TWIST2: variants seen among roughly 807,000 people sequenced by gnomAD.
TWIST2 encodes twist-related protein 2.
TWIST2 carries 1 observed loss-of-function variant against 11.6 expected under a neutral mutation model. That is an observed-to-expected ratio of 0.09 (90% CI 0.03 to 0.41). The LOEUF (loss-of-function observed/expected upper bound fraction) is 0.41. TWIST2 is among the 10% of genes least tolerant of loss of function. The pLI, the probability that TWIST2 is intolerant of heterozygous loss-of-function variation, is 0.98. For missense variants in TWIST2, 168 were observed against 226.4 expected (o/e 0.74, Z 1.66); for synonymous variants, 87 against 96.6 (o/e 0.90, Z 0.58).
chr2:238,848,781 G>A, intron 1 of TWIST2, 48 bp downstream of exon 1: 3 of 1,309,770 alleles, frequency 2.3e-6, no homozygotes, highest in Non-Finnish European at 2.9e-6. Context: ...GGGGGCGGGC[G>A]GCAGGGGCGC....
At chr2:238,856,897 A>G (rs550731429) in intron 1 of TWIST2, among the ~76,000 whole-genome samples, 1 of 152,204 alleles carries the variant, frequency 6.6e-6, no homozygotes, top group Non-Finnish European at 1.5e-5. Context: ...TCACTTGAAG[A>G]GGACCTCAGG....
chr2:238,905,202 C>G (rs968450953), intron 1 of TWIST2, among the ~76,000 whole-genome samples: 2 of 151,268 alleles, frequency 1.3e-5, no homozygotes, highest in Non-Finnish European at 3.0e-5. Flanking sequence ...GGGGCCTCAC[C>G]TGCTCATTAG....
intron 1 of TWIST2, among the ~76,000 whole-genome samples, chr2:238,881,532 T>A (rs997898924): frequency 1.3e-5 from 2 of 152,060 alleles, no homozygotes; most frequent in Non-Finnish European, 2.9e-5. Flanking sequence ...AGTATTAGTG[T>A]TGGTGTTAGT....
intron 1 of TWIST2, among the ~76,000 whole-genome samples, chr2:238,865,886 AC>A (rs1207133526): frequency 2.7e-5 from 4 of 150,916 alleles, no homozygotes; most frequent in African/African-American, 9.7e-5. Flanking sequence ...GCTGTGATGA[AC>A]CCTTTCCAGT....
At chr2:238,892,250 CAG>C (rs960169684) in intron 1 of TWIST2, among the ~76,000 whole-genome samples, 2 of 152,164 alleles carry the variant, frequency 1.3e-5, no homozygotes, top group Non-Finnish European at 2.9e-5. Flanking sequence ...AGCCTCAGGA[CAG>C]AGAGAAACAG....
In TWIST2 at chr2:238,905,904, C is replaced by T. The variant is rs1243225221; in HGVS notation, c.*36-3938C>T. ...GCATGTGCGCGCATGCGCGTGTGTGCGTGTGTGTGCGTGCAGGTGTGCGTG... is the reference window on the plus strand; with the variant it reads ...GCATGTGCGCGCATGCGCGTGTGTGTGTGTGTGTGCGTGCAGGTGTGCGTG... On this transcript the variant is annotated intron_variant, in intron 1 of 1. Transcript: ENST00000612363. 1.1e-4 allele frequency among the ~76,000 whole-genome samples: 16 copies of T among 144,156 alleles called. No individual in the cohort carries two copies. In the East Asian group the frequency reaches 2.6e-3, roughly 24 times the overall value. 94.6% of individuals were successfully genotyped at this position (144,156 alleles called of 152,430 possible).
intron 1 of TWIST2, among the ~76,000 whole-genome samples, chr2:238,879,968 A>T (rs986619336): frequency 2.0e-5 from 3 of 152,206 alleles, no homozygotes; most frequent in Admixed American, 2.0e-4. Flanking sequence ...TGAATTCCCT[A>T]TGGAGAGTGC....
At chr2:238,895,971 GAGAC>G (rs1403049499) in intron 1 of TWIST2, among the ~76,000 whole-genome samples, 2 of 152,242 alleles carry the variant, frequency 1.3e-5, no homozygotes. Context: ...CTGAGGGAGA[GAGAC>G]AGCCTGGCTT....
In TWIST2 at chr2:238,909,876, G is replaced by C. The variant is rs1329003537; in HGVS notation, c.*70G>C. The C allele has an allele frequency of 6.6e-6, 1 of 152,222 alleles. No homozygotes were observed. Among genetic ancestry groups the C allele is most frequent in the African/African-American group, 2.4e-5 (1 of 41,430 alleles). 9.4% of individuals were successfully genotyped at this position (152,222 alleles called of 1,614,324 possible). A position where few individuals can be genotyped will look rare whatever the true frequency, so the allele number is the denominator to read the frequency against. ...CGCGTCGGCGGCGCAAGTGGAATTG[G>C]GATGCATTCGAGTCTGTAACTTCTG... On this transcript the variant is annotated 3_prime_UTR_variant, in exon 2 of 2. Transcript: ENST00000612363.
chr2:238,888,578 G>T (rs529631642), intron 1 of TWIST2, among the ~76,000 whole-genome samples: 1 of 152,198 alleles, frequency 6.6e-6, no homozygotes, highest in Non-Finnish European at 1.5e-5. Context: ...AGGATGTTGA[G>T]ATGAAGTTTA....
chr2:238,878,803 T>TG (rs1282536791), intron 1 of TWIST2, among the ~76,000 whole-genome samples: 2 of 152,140 alleles, frequency 1.3e-5, no homozygotes, highest in East Asian at 1.9e-4. Flanking sequence ...GTCCCAGCAG[T>TG]GGGGGGTCCG....
chr2:238,876,182 C>T (rs184092132), intron 1 of TWIST2, among the ~76,000 whole-genome samples: 43 of 152,324 alleles, frequency 2.8e-4, no homozygotes, highest in Admixed American at 1.6e-3. Flanking sequence ...AGTTCAGGAA[C>T]GGCTGAACCT....
At chr2:238,906,184 C>G (rs988835531) in intron 1 of TWIST2, among the ~76,000 whole-genome samples, 2 of 152,154 alleles carry the variant, frequency 1.3e-5, no homozygotes, top group African/African-American at 4.8e-5. Flanking sequence ...CACGTCCCCC[C>G]TGCACACTGC....
At chr2:238,885,884 C>T (rs35359466) in intron 1 of TWIST2, among the ~76,000 whole-genome samples, 81,855 of 151,766 alleles carry the variant, frequency 0.54, 22,207 homozygotes, top group Middle Eastern at 0.6. Flanking sequence ...CAGAGAAGGC[C>T]CAGAGGCTGT....
chr2:238,893,933 C>A (rs1446515604), intron 1 of TWIST2, among the ~76,000 whole-genome samples: 60 of 152,216 alleles, frequency 3.9e-4, no homozygotes, highest in Non-Finnish European at 5.9e-5. Flanking sequence ...TCCCTTGACA[C>A]CCCCTGGTGT....
At chr2:238,889,892 T>C (rs967964648) in intron 1 of TWIST2, among the ~76,000 whole-genome samples, 51 of 152,278 alleles carry the variant, frequency 3.3e-4, no homozygotes, top group African/African-American at 1.2e-3. Context: ...GGATGATATA[T>C]AAGTGTAAGA....
chr2:238,848,806 C>T (rs1201266483), intron 1 of TWIST2, 73 bp downstream of exon 1: 1 of 1,177,238 alleles, frequency 8.5e-7, no homozygotes, highest in East Asian at 3.4e-5. Context: ...GCATTGGGGC[C>T]TGCTCGTGTC....
chr2:238,885,157 C>T (rs1050562349), intron 1 of TWIST2, among the ~76,000 whole-genome samples: 1 of 152,124 alleles, frequency 6.6e-6, no homozygotes, highest in African/African-American at 2.4e-5. Context: ...CATGAGGTGC[C>T]CCCTCCCTCT....
chr2:238,871,492 C>T (rs1157442627), intron 1 of TWIST2, among the ~76,000 whole-genome samples: 3 of 106,510 alleles, frequency 2.8e-5, no homozygotes, highest in Non-Finnish European at 5.9e-5. Context: ...ACACACACCA[C>T]ACACACACCA....
Sources: gnomAD v4.1 joint callset for allele counts (sites outside exome capture counted in the v4.1 genomes callset) on GRCh38, gnomAD v4.1.1 for gene constraint, MANE v1.5 for transcripts, NCBI Gene and HGNC (gene_info 2026-07-23, HGNC 2026-07-21) for gene names.